MPPED2: variants seen among roughly 807,000 people sequenced by gnomAD.
The protein encoded by MPPED2 is metallophosphoesterase domain containing 2.
In MPPED2, 5 loss-of-function variants were observed where a neutral mutation model predicts 33.0. The ratio of observed to expected loss-of-function variants is 0.15; its 90% CI spans 0.08 to 0.32. The LOEUF (loss-of-function observed/expected upper bound fraction) is 0.32, where lower values mean the gene tolerates loss of function less well. Among genes scored for constraint, MPPED2 ranks in the 10% least tolerant of loss-of-function variants. The probability of loss-of-function intolerance (pLI) is 1.00; values close to 1 mark genes in which losing one functional copy is unlikely to be tolerated. For missense variants in MPPED2, 275 were observed against 372.1 expected (o/e 0.74, Z 2.15); for synonymous variants, 136 against 141.9 (o/e 0.96, Z 0.29).
intron 6 of MPPED2, among the ~76,000 whole-genome samples, chr11:30,413,678 T>A (rs924077631): frequency 6.6e-6 from 1 of 152,326 alleles, no homozygotes; most frequent in African/African-American, 2.4e-5. Flanking sequence ...CTGAGGTTAG[T>A]AAGGAAAAGT....
intron 3 of MPPED2, among the ~76,000 whole-genome samples, chr11:30,526,874 C>T (rs898860297): frequency 2.0e-5 from 3 of 151,934 alleles, no homozygotes; most frequent in African/African-American, 7.2e-5. Flanking sequence ...TGCCAGGTAT[C>T]AATCTCTATT....
chr11:30,469,416 A>G (rs28561790), intron 4 of MPPED2, among the ~76,000 whole-genome samples: 2,135 of 152,290 alleles, frequency 0.014, 38 homozygotes, highest in African/African-American at 0.048. Flanking sequence ...CCTAGTTCCC[A>G]TAGCAGCAAA....
intron 2 of MPPED2, among the ~76,000 whole-genome samples, chr11:30,569,229 C>T: frequency 6.6e-6 from 1 of 152,022 alleles, no homozygotes; most frequent in African/African-American, 2.4e-5. Context: ...CAGACTCCCA[C>T]GGGATTATTA....
intron 4 of MPPED2, among the ~76,000 whole-genome samples, chr11:30,469,443 C>G (rs959885202): frequency 1.3e-5 from 2 of 152,064 alleles, no homozygotes; most frequent in African/African-American, 4.8e-5. Context: ...AATAAGGATG[C>G]ATGCCTACTG....
At chr11:30,563,932 T>C (rs1956336415) in intron 2 of MPPED2, among the ~76,000 whole-genome samples, 1 of 152,184 alleles carries the variant, frequency 6.6e-6, no homozygotes, top group African/African-American at 2.4e-5. Context: ...TTGATGGATT[T>C]AAGTCATGAG....
At chr11:30,384,916 T>G (rs1241061617) in exon 7 of MPPED2, 1 of 152,204 alleles carries the variant, frequency 6.6e-6, no homozygotes, top group Admixed American at 6.5e-5. Context: ...TCCATATGCT[T>G]TCCACCAGAC....
chr11:30,501,676 C>T (rs1952569171), intron 3 of MPPED2: 1 of 931,832 alleles, frequency 1.1e-6, no homozygotes, highest in African/African-American at 1.8e-5. Context: ...TCCAGAATTT[C>T]TTCTTAGAAT....
chr11:30,503,172 T>C (rs1952647971), intron 3 of MPPED2, among the ~76,000 whole-genome samples: 1 of 152,168 alleles, frequency 6.6e-6, no homozygotes, highest in Non-Finnish European at 1.5e-5. Context: ...TTGATGGTTT[T>C]ATAAGGGGCT....
chr11:30,585,729 A>G (rs1423311106), intron 1 of MPPED2, among the ~76,000 whole-genome samples: 1 of 152,088 alleles, frequency 6.6e-6, no homozygotes, highest in African/African-American at 2.4e-5. Context: ...GGAGAAGAGA[A>G]GAGGCGCAGG....
At chr11:30,426,892 T>C (rs892441665) in intron 4 of MPPED2, among the ~76,000 whole-genome samples, 3 of 151,876 alleles carry the variant, frequency 2.0e-5, no homozygotes, top group Non-Finnish European at 4.4e-5. Flanking sequence ...ATACATTCCA[T>C]AATAAGGCCC....
intron 1 of MPPED2, among the ~76,000 whole-genome samples, chr11:30,585,211 G>GCTT (rs1957403068): frequency 6.6e-6 from 1 of 152,146 alleles, no homozygotes; most frequent in Non-Finnish European, 1.5e-5. Flanking sequence ...AAGAAATCCG[G>GCTT]CGGCAACGGT....
chr11:30,436,050 C>CTTTTTT (rs71060449), intron 4 of MPPED2, among the ~76,000 whole-genome samples: 20 of 108,456 alleles, frequency 1.8e-4, no homozygotes, highest in South Asian at 7.2e-4. Flanking sequence ...AGTTTAGCAT[C>CTTTTTT]TTTTTTTTTT....
At chr11:30,563,473 G>T (rs975425274) in intron 2 of MPPED2, among the ~76,000 whole-genome samples, 3 of 152,098 alleles carry the variant, frequency 2.0e-5, no homozygotes, top group African/African-American at 4.8e-5. Flanking sequence ...AATACCCAAG[G>T]TAGCCTCAAT....
At chr11:30,422,572 G>T (rs144342626) in intron 4 of MPPED2, among the ~76,000 whole-genome samples, 1,851 of 152,254 alleles carry the variant, frequency 0.012, 19 homozygotes, top group Non-Finnish European at 0.019. Flanking sequence ...CCCATCAGGG[G>T]TTCACTGGAA....
At chr11:30,421,806 CTG>C (rs1948629374) in intron 4 of MPPED2, among the ~76,000 whole-genome samples, 1 of 152,174 alleles carries the variant, frequency 6.6e-6, no homozygotes, top group Admixed American at 6.5e-5. Context: ...GAATCTTAGT[CTG>C]TGTACTGTAC....
chr11:30,433,651 C>A (rs1196420584), intron 4 of MPPED2, among the ~76,000 whole-genome samples: 1 of 152,120 alleles, frequency 6.6e-6, no homozygotes, highest in Non-Finnish European at 1.5e-5. Context: ...TCACATTGGT[C>A]CCTCGCTATC....
intron 4 of MPPED2, among the ~76,000 whole-genome samples, chr11:30,452,791 G>A (rs1950118164): frequency 3.9e-5 from 6 of 152,128 alleles, no homozygotes; most frequent in Admixed American, 3.9e-4. Context: ...GGATAAAAGA[G>A]CTAAGAGAGC....
At chr11:30,524,630 T>G (rs562653482) in intron 3 of MPPED2, among the ~76,000 whole-genome samples, 1 of 152,146 alleles carries the variant, frequency 6.6e-6, no homozygotes, top group Non-Finnish European at 1.5e-5. Context: ...GATATTATTA[T>G]TGGGGGATTC....
chr11:30,429,854 C>T (rs1949002621), intron 4 of MPPED2, among the ~76,000 whole-genome samples: 2 of 152,200 alleles, frequency 1.3e-5, no homozygotes, highest in Non-Finnish European at 1.5e-5. Flanking sequence ...ATCCTCATTT[C>T]TGGAATTTGT....
Sources: allele counts gnomAD v4.1 joint callset (sites outside exome capture counted in the v4.1 genomes callset), GRCh38; gene constraint gnomAD v4.1.1; transcripts MANE v1.5; gene names NCBI Gene and HGNC (gene_info 2026-07-23, HGNC 2026-07-21).